The following CDH8 variants were observed in gnomAD, a reference collection of about 807,000 sequenced individuals.
CDH8 encodes the protein cadherin 8, also known as cadherin-8.
A neutral mutation model predicts 68.1 loss-of-function variants in CDH8; 17 were observed. The observed-to-expected ratio is 0.25, with a 90% confidence interval of 0.17 to 0.37. CDH8 has a LOEUF of 0.37. CDH8 is among the 10% of genes least tolerant of loss of function. The pLI, the probability that CDH8 is intolerant of heterozygous loss-of-function variation, is 1.00. For missense variants in CDH8, 763 were observed against 999.3 expected (o/e 0.76, Z 3.19); for synonymous variants, 372 against 365.1 (o/e 1.02, Z -0.21).
intron 1 of CDH8, among the ~76,000 whole-genome samples, chr16:62,024,178 G>A (rs555538966): frequency 6.6e-6 from 1 of 152,202 alleles, no homozygotes; most frequent in Non-Finnish European, 1.5e-5. Context: ...AGATGGTTGT[G>A]AGAATGACCT....
At chr16:61,765,958 T>C (rs1017047084) in intron 8 of CDH8, among the ~76,000 whole-genome samples, 8 of 152,030 alleles carry the variant, frequency 5.3e-5, no homozygotes, top group African/African-American at 1.4e-4. Flanking sequence ...CCATTTCCTC[T>C]CTGCATATTT....
In CDH8 at chr16:61,651,791, A is replaced by C. The variant is rs1410000443; in HGVS notation, c.*1817T>G. 1 of 152,238 alleles carries C rather than the reference A, an allele frequency of 6.6e-6. No individual in the cohort carries two copies. Among genetic ancestry groups the C allele is most frequent in the African/African-American group, 2.4e-5 (1 of 41,458 alleles). The allele number at this position is 152,238 out of a possible 1,614,324, so 9.4% of individuals were successfully genotyped here. A position where few individuals can be genotyped will look rare whatever the true frequency, so the allele number is the denominator to read the frequency against. On this transcript the variant is annotated 3_prime_UTR_variant, in exon 12 of 12. Coordinates refer to ENST00000577390, the MANE Select transcript of CDH8 (RefSeq NM_001796.5). The stretch of plus-strand genomic sequence containing the variant: ...AGGACCCAAATGACACAGCTGGACT[A>C]GCCTTTAGGTGTTCCATGTTCCTCT...
At chr16:61,817,062 A>G (rs1313284120) in intron 7 of CDH8, among the ~76,000 whole-genome samples, 1 of 152,146 alleles carries the variant, frequency 6.6e-6, no homozygotes, top group Non-Finnish European at 1.5e-5. Flanking sequence ...TCTAATATAT[A>G]ATTCACCATA....
At chr16:61,727,024 A>G in intron 9 of CDH8, 70 bp downstream of exon 9, 1 of 1,491,236 alleles carries the variant, frequency 6.7e-7, no homozygotes, top group Non-Finnish European at 9.3e-7. Flanking sequence ...GCACAATATA[A>G]TGCAGGTTAG....
Position 61,817,494 on chromosome 16 carries a change from G to A in CDH8, c.1262C>T (p.Thr421Ile), listed in dbSNP as rs1309600748. ...ATAAAAATACCTTATAGGACTGGAA[G>A]TGATATCAGGGTCACGAGCAGTCAC... ...GQVTARDPDI[T>I]SSPIRFSIDR... Residue 421 changes from threonine (T) to isoleucine (I), a missense_variant, in exon 7 of 12, where the codon ACT becomes ATT. Coordinates refer to ENST00000577390, the MANE Select transcript of CDH8 (RefSeq NM_001796.5). The A allele has an allele frequency of 5.6e-6, 9 of 1,613,852 alleles. No individual in the cohort carries two copies. The South Asian group carries it at 8.8e-5, about 16-fold the overall frequency.
At chr16:62,001,063 G>A (rs1965885579) in intron 2 of CDH8, among the ~76,000 whole-genome samples, 1 of 152,130 alleles carries the variant, frequency 6.6e-6, no homozygotes, top group African/African-American at 2.4e-5. Context: ...ATTGAGGCTA[G>A]AAAATATTTG....
At chr16:61,717,194 CTAA>C (rs1332377791) in intron 9 of CDH8, among the ~76,000 whole-genome samples, 5 of 151,582 alleles carry the variant, frequency 3.3e-5, no homozygotes, top group African/African-American at 1.2e-4. Flanking sequence ...ACTGAAAAAT[CTAA>C]TGTTTCATAA....
Position 61,713,851 on chromosome 16 carries a change from C to A in CDH8, c.1644G>T (p.Lys548Asn). Reference sequence around the variant, plus strand: ...AGCTAATATATTTACCTTCATTTTTCTTGATGGTGAAATTCGGATTGTTGA... The same window carrying A: ...AGCTAATATATTTACCTTCATTTTTATTGATGGTGAAATTCGGATTGTTGA... ...EMVNNPNFTI[K>N]KNEDNSLSIL... The change falls in exon 10 of 12, where the codon AAG (lysine) becomes AAT (asparagine). Residue 548 changes from lysine (K) to asparagine (N), a missense_variant. Physicochemically the swap from Lys to Asn is moderately conservative, Grantham distance 94. Coordinates refer to ENST00000577390, the MANE Select transcript of CDH8 (RefSeq NM_001796.5). 1 of 1,540,636 alleles carries A rather than the reference C, an allele frequency of 6.5e-7. No homozygotes were observed. Among genetic ancestry groups the A allele is most frequent in the Non-Finnish European group, 9.0e-7 (1 of 1,116,218 alleles).
At chr16:61,816,275 A>G (rs1438161808) in intron 7 of CDH8, among the ~76,000 whole-genome samples, 1 of 152,190 alleles carries the variant, frequency 6.6e-6, no homozygotes, top group Non-Finnish European at 1.5e-5. Flanking sequence ...TACAAATTCA[A>G]CTTATTTGGG....
chr16:61,860,510 T>C (rs1003207704), intron 3 of CDH8, among the ~76,000 whole-genome samples: 1 of 152,196 alleles, frequency 6.6e-6, no homozygotes, highest in African/African-American at 2.4e-5. Flanking sequence ...ATGAGAAAGA[T>C]GTCTCTTCAT....
intron 10 of CDH8, among the ~76,000 whole-genome samples, chr16:61,662,749 G>T (rs2142758974): frequency 6.6e-6 from 1 of 151,936 alleles, no homozygotes; most frequent in African/African-American, 2.4e-5. Flanking sequence ...AGACGTATAT[G>T]GTAGGATGTA....
chr16:61,932,484 A>AAT (rs1293540925), intron 2 of CDH8, among the ~76,000 whole-genome samples: 1 of 152,140 alleles, frequency 6.6e-6, no homozygotes, highest in African/African-American at 2.4e-5. Flanking sequence ...TGTGATTTTT[A>AAT]ATATATATAG....
At chr16:61,843,400 A>G (rs552281177) in intron 4 of CDH8, among the ~76,000 whole-genome samples, 2 of 152,186 alleles carry the variant, frequency 1.3e-5, no homozygotes, top group African/African-American at 4.8e-5. Context: ...CTTGAACCCT[A>G]TAATATGCTC....
rs1962834044 is a variant in CDH8 at position 61,847,541 on chromosome 16, TA to T, written c.667+9577del. Reference sequence around the variant, plus strand: ...CTTCTGTAAGCTTCCAATCATTTTATATATATATATATATATATATATATAT... The same window carrying T: ...CTTCTGTAAGCTTCCAATCATTTTATTATATATATATATATATATATATAT... On this transcript the variant is annotated intron_variant, in intron 4 of 11. Transcript: ENST00000577390. Among the ~76,000 whole-genome samples, 8 of 30,360 alleles carry T rather than the reference TA, an allele frequency of 2.6e-4. No homozygotes were observed. The African/African-American group carries it at 6.3e-3, about 24-fold the overall frequency. The allele number at this position is 30,360 out of a possible 152,430, so 19.9% of individuals were successfully genotyped here. A position where few individuals can be genotyped will look rare whatever the true frequency, so the allele number is the denominator to read the frequency against.
intron 7 of CDH8, among the ~76,000 whole-genome samples, chr16:61,812,346 G>T (rs77731280): frequency 6.6e-6 from 1 of 152,118 alleles, no homozygotes; most frequent in Admixed American, 6.5e-5. Flanking sequence ...TGTTGAGTGG[G>T]TATTTATATT....
chr16:61,701,290 C>A (rs1056156276), intron 10 of CDH8, among the ~76,000 whole-genome samples: 1 of 152,112 alleles, frequency 6.6e-6, no homozygotes, highest in South Asian at 2.1e-4. Context: ...TAGGTGAGGG[C>A]TCTTGTATTT....
chr16:61,824,823 A>G (rs1962292663), intron 5 of CDH8, among the ~76,000 whole-genome samples, 189 bp downstream of exon 5: 1 of 151,948 alleles, frequency 6.6e-6, no homozygotes, highest in African/African-American at 2.4e-5. Flanking sequence ...TGATATTTGG[A>G]AATGGTATCA....
At chr16:62,005,028 A>T (rs1256518444) in intron 2 of CDH8, among the ~76,000 whole-genome samples, 3 of 152,242 alleles carry the variant, frequency 2.0e-5, no homozygotes. Context: ...TGCTACCTCA[A>T]AAGTTCTCTT....
intron 3 of CDH8, among the ~76,000 whole-genome samples, chr16:61,876,516 T>C (rs1963464163): frequency 6.6e-6 from 1 of 152,140 alleles, no homozygotes; most frequent in Admixed American, 6.6e-5. Context: ...TTTGCTTGCA[T>C]GACAGTTTTC....
Sources: gnomAD v4.1 joint callset for allele counts (sites outside exome capture counted in the v4.1 genomes callset) on GRCh38, gnomAD v4.1.1 for gene constraint, MANE v1.5 for transcripts, NCBI Gene and HGNC (gene_info 2026-07-23, HGNC 2026-07-21) for gene names.